SNX31: variants seen among roughly 807,000 people sequenced by gnomAD.
SNX31 encodes the protein sorting nexin 31, also known as sorting nexin-31.
SNX31 carries 58 observed loss-of-function variants against 65.4 expected under a neutral mutation model. That is an observed-to-expected ratio of 0.89 (90% CI 0.72 to 1.10). SNX31 has a LOEUF of 1.10. Among genes scored for constraint, SNX31 ranks in the 50% least tolerant of loss-of-function variants. The probability of loss-of-function intolerance (pLI) is 0.00; values close to 1 mark genes in which losing one functional copy is unlikely to be tolerated. For missense variants in SNX31, 523 were observed against 529.7 expected, an observed-to-expected ratio of 0.99 and a Z score of 0.12; for synonymous variants, 181 against 190.1, an observed-to-expected ratio of 0.95 and a Z score of 0.39.
At chr8:100,654,048 C>T (rs989039477), upstream of SNX31, among the ~76,000 whole-genome samples, 1 of 152,160 alleles carries the variant, frequency 6.6e-6, no homozygotes, top group African/African-American at 2.4e-5. Context: ...CTCTGTTGCC[C>T]AGGTTGGAGT....
At position 100,589,013 on chromosome 8, in the gene SNX31, T is replaced by C. The variant is rs190711990; in HGVS notation, c.979-34A>G. ...GAAAATATTTTATATTCAATGTAAA[T>C]TTAAATGCCTATTAATTTGCCGGGC... On this transcript the variant is annotated intron_variant, in intron 10 of 13. Transcript: ENST00000311812. The C allele has an allele frequency of 2.5e-5, 39 of 1,545,832 alleles. No individual in the cohort carries two copies. In the African/African-American group the frequency reaches 4.1e-4, roughly 16 times the overall value.
intron 1 of SNX31, among the ~76,000 whole-genome samples, chr8:100,656,677 C>G (rs1181452007): frequency 7.5e-6 from 1 of 132,954 alleles, no homozygotes; most frequent in East Asian, 2.2e-4. Context: ...CCTTTAAGAG[C>G]AAAGCACAAA....
intron 8 of SNX31, among the ~76,000 whole-genome samples, chr8:100,607,077 T>C (rs1816231800): frequency 6.6e-6 from 1 of 152,128 alleles, no homozygotes; most frequent in South Asian, 2.1e-4. Flanking sequence ...ATGGTAGAAA[T>C]GCTACGGAGG....
Position 100,588,966 on chromosome 8 carries a change from T to A in SNX31, c.992A>T (p.Asp331Val). ...WQVTFLGTLLDTDGPQRTLNQ... is the reference protein window; with the variant it reads ...WQVTFLGTLLVTDGPQRTLNQ... ...GAGAGTTCTCTGGGGCCCATCCGTA[T>A]CCAGCAGAGTTCCCTACAAAGGAAA... The change falls in exon 11 of 14, where the codon GAT becomes GTT. Residue 331 changes from aspartate (D) to valine (V), a missense_variant. Asp to Val is a radical substitution (Grantham distance 152). Transcript: ENST00000311812. The surrounding 1 kb of genome is among the most constrained non-coding windows in gnomAD (Gnocchi z 4.8). The A allele has an allele frequency of 6.2e-7, 1 of 1,613,012 alleles. No homozygotes were observed. The highest frequency in any genetic ancestry group is 1.3e-5 in the African/African-American group (1 of 74,974).
chr8:100,631,278 T>C (rs1818394535), intron 3 of SNX31, among the ~76,000 whole-genome samples: 1 of 152,086 alleles, frequency 6.6e-6, no homozygotes, highest in South Asian at 2.1e-4. Context: ...CACACCCCCA[T>C]GAGAACTGCA....
intron 11 of SNX31, among the ~76,000 whole-genome samples, chr8:100,587,340 A>T (rs1435909385): frequency 2.0e-5 from 3 of 152,222 alleles, no homozygotes; most frequent in Non-Finnish European, 4.4e-5. Context: ...TGAGCCACTT[A>T]AATGATGCCA....
intron 7 of SNX31, among the ~76,000 whole-genome samples, chr8:100,611,295 G>A (rs958187425): frequency 4.6e-5 from 7 of 152,158 alleles, no homozygotes; most frequent in African/African-American, 1.2e-4. Context: ...AGCCAGTGAT[G>A]CATTGCAAAG....
At chr8:100,617,505 C>T (rs1326795652) in intron 5 of SNX31, 115 bp downstream of exon 5, 7 of 672,950 alleles carry the variant, frequency 1.0e-5, no homozygotes, top group Non-Finnish European at 1.5e-5. Flanking sequence ...TAATCATCCA[C>T]AGAGTAAAAC....
rs1051714113 is a variant in SNX31, at chr8:100,584,088, T to C, written c.1170+23A>G. The C allele has an allele frequency of 1.9e-6, 3 of 1,593,522 alleles. No individual in the cohort carries two copies. In the African/African-American group the frequency reaches 4.1e-5, roughly 22 times the overall value. On this transcript the variant is annotated intron_variant, in intron 12 of 13. Coordinates refer to ENST00000311812, the MANE Select transcript of SNX31 (RefSeq NM_152628.4). The stretch of plus-strand genomic sequence containing the variant: ...GATAGTGGGAACGTAAAGTGAAAAA[T>C]AGACACAGATAAGAGCACTCACCAT...
Position 100,620,763 on chromosome 8 carries a change from TCC to T in SNX31, c.322-3035_322-3034del, listed in dbSNP as rs754689985. Among the ~76,000 whole-genome samples, 9 of 152,264 alleles carry T rather than the reference TCC, an allele frequency of 5.9e-5. No homozygotes were observed. In the South Asian group the frequency reaches 1.9e-3, roughly 32 times the overall value. ...TCCATGAGGCATATACACTTACTAA[TCC>T]CATTATTTTTTCAGATGAAGTACAG... On this transcript the variant is annotated intron_variant, in intron 4 of 13. Coordinates refer to ENST00000311812, the MANE Select transcript of SNX31 (RefSeq NM_152628.4).
intron 2 of SNX31, among the ~76,000 whole-genome samples, chr8:100,641,620 ACG>A (rs1436395881): frequency 0.54 from 38,472 of 71,376 alleles, 10,549 homozygotes; most frequent in African/African-American, 0.65. Flanking sequence ...ACACGCACAC[ACG>A]CGCATATATA....
At chr8:100,621,120 G>A (rs1245403975) in intron 4 of SNX31, among the ~76,000 whole-genome samples, 1 of 152,060 alleles carries the variant, frequency 6.6e-6, no homozygotes, top group Non-Finnish European at 1.5e-5. Flanking sequence ...CTCCAGCCTG[G>A]GCGACAGAGC....
chr8:100,632,246 C>T (rs72679785), intron 3 of SNX31, among the ~76,000 whole-genome samples: 6,646 of 152,090 alleles, frequency 0.044, 225 homozygotes, highest in Non-Finnish European at 0.062. Flanking sequence ...CCCTCAAGCA[C>T]GGTGATCATC....
chr8:100,597,293 G>A (rs961869774), intron 9 of SNX31, among the ~76,000 whole-genome samples: 32 of 151,350 alleles, frequency 2.1e-4, no homozygotes, highest in Admixed American at 3.9e-4. Context: ...CCAGGCTGGC[G>A]TGCTGCGGCA....
chr8:100,617,660 A>G lies in SNX31; in HGVS notation c.392T>C (p.Ile131Thr). 2 of 1,613,298 alleles carry G rather than the reference A, an allele frequency of 1.2e-6. No homozygotes were observed. The highest frequency in any genetic ancestry group is 1.7e-6 in the Non-Finnish European group (2 of 1,179,754). Residue 131 changes from isoleucine to threonine, a missense_variant, in exon 5 of 14, where the codon ATC becomes ACC. By Grantham distance (89) the Ile-to-Thr change is moderately conservative. Transcript: ENST00000311812. ...IFLPNEQSIR[I>T]EIITSDTAER... The stretch of plus-strand genomic sequence containing the variant: ...AGCAGTGTCTGATGTTATAATTTCG[A>G]TTCTAATACTCTGTTCATTGGGCAG...
chr8:100,608,427 G>A, intron 8 of SNX31, 67 bp downstream of exon 8: 1 of 1,458,262 alleles, frequency 6.9e-7, no homozygotes, highest in Non-Finnish European at 9.6e-7. Flanking sequence ...CACATAATTT[G>A]TTTAGTGGCT....
intron 12 of SNX31, among the ~76,000 whole-genome samples, chr8:100,577,783 C>T (rs558823339): frequency 9.9e-5 from 15 of 152,238 alleles, no homozygotes; most frequent in Non-Finnish European, 1.5e-5. Flanking sequence ...GATTGCCTGA[C>T]GGGAGCTGTA....
At chr8:100,592,445 A>T (rs1814673338) in intron 10 of SNX31, among the ~76,000 whole-genome samples, 1 of 152,220 alleles carries the variant, frequency 6.6e-6, no homozygotes, top group East Asian at 1.9e-4. Flanking sequence ...ACATCTATCT[A>T]CTAGGTTGGC....
chr8:100,630,273 A>G lies in SNX31; in HGVS notation c.321+54T>C. The G allele has an allele frequency of 6.4e-7, 1 of 1,560,690 alleles. No homozygotes were observed. The highest frequency in any genetic ancestry group is 8.8e-7 in the Non-Finnish European group (1 of 1,132,858). On this transcript the variant is annotated intron_variant, in intron 4 of 13. Coordinates refer to ENST00000311812, the MANE Select transcript of SNX31 (RefSeq NM_152628.4). This position sits in a 1 kb window ranked among gnomAD's most constrained non-coding sequence, Gnocchi z 5.3. ...GTGTGTGTACCTGCACACTTGGTTCATGAAGAGTGTCCTGCAGAGGAATGA... is the reference window on the plus strand; with the variant it reads ...GTGTGTGTACCTGCACACTTGGTTCGTGAAGAGTGTCCTGCAGAGGAATGA...
Sources: gnomAD v4.1 joint callset for allele counts (sites outside exome capture counted in the v4.1 genomes callset) on GRCh38, gnomAD v4.1.1 for gene constraint, Gnocchi (gnomAD v3.1) non-coding constraint, MANE v1.5 for transcripts, NCBI Gene and HGNC (gene_info 2026-07-23, HGNC 2026-07-21) for gene names.